Variants in DEPDC1B observed in about 807,000 individuals in gnomAD.
The protein encoded by DEPDC1B is DEP domain-containing protein 1B.
Under a neutral mutation model 66.5 loss-of-function variants are expected in DEPDC1B, and 51 were observed. That is an observed-to-expected ratio of 0.77 (90% CI 0.61 to 0.97). The LOEUF (loss-of-function observed/expected upper bound fraction) is 0.97, where lower values mean the gene tolerates loss of function less well. Ranked by LOEUF, DEPDC1B falls within the 50% of genes least tolerant of loss-of-function variation. DEPDC1B has a pLI of 0.00. For synonymous variants in DEPDC1B, 226 were observed against 223.6 expected, an observed-to-expected ratio of 1.01 and a Z score of -0.10; for missense variants, 552 against 637.1, an observed-to-expected ratio of 0.87 and a Z score of 1.44.
chr5:60,658,875 C>A (rs1176940580), intron 2 of DEPDC1B, among the ~76,000 whole-genome samples: 1 of 152,290 alleles, frequency 6.6e-6, no homozygotes, highest in African/African-American at 2.4e-5. Context: ...GCTCACCATC[C>A]ACCACTGCTG....
In DEPDC1B at chr5:60,599,204, ACGG is replaced by A; in HGVS notation, c.1296_1298del (p.Arg433del). ...ATTCAAATTCCTCTGGACTAATTTG[ACGG>A]CAAAATGATGGAGCAGATAAAGTGA... On this transcript the variant is annotated inframe_deletion, in exon 10 of 11. Transcript: ENST00000265036. 1 of 1,612,342 alleles carries A rather than the reference ACGG, an allele frequency of 6.2e-7. No homozygotes were observed. Among genetic ancestry groups the A allele is most frequent in the Non-Finnish European group, 8.5e-7 (1 of 1,179,454 alleles).
intron 1 of DEPDC1B, chr5:60,687,799 T>G: frequency 9.3e-6 from 2 of 214,130 alleles, no homozygotes; most frequent in South Asian, 5.1e-5. Flanking sequence ...GTGCTGGAAT[T>G]ACAGGAGTGA....
Position 60,645,629 on chromosome 5 carries a change from G to A in DEPDC1B, c.451-10C>T, listed in dbSNP as rs758425137. The A allele has an allele frequency of 6.9e-6, 11 of 1,601,358 alleles. No individual in the cohort carries two copies. The highest frequency in any genetic ancestry group is 9.4e-6 in the Non-Finnish European group (11 of 1,174,334). On this transcript the variant is annotated splice_polypyrimidine_tract_variant and intron_variant, in intron 3 of 10. Coordinates refer to ENST00000265036, the MANE Select transcript of DEPDC1B (RefSeq NM_018369.3). ...ACCACATCTCAGAATTCTAATGGAG[G>A]GGGGATGTAAGAAGGGAGGGAAGGA...
At chr5:60,697,590 T>A (rs1362825976) in intron 1 of DEPDC1B, among the ~76,000 whole-genome samples, 1 of 152,018 alleles carries the variant, frequency 6.6e-6, no homozygotes, top group Admixed American at 6.6e-5. Context: ...GACTTTACAA[T>A]GGAAAGAAGC....
At chr5:60,671,592 T>C (rs1396626592) in intron 2 of DEPDC1B, among the ~76,000 whole-genome samples, 1 of 152,200 alleles carries the variant, frequency 6.6e-6, no homozygotes, top group Non-Finnish European at 1.5e-5. Context: ...TACCCAATTC[T>C]TTCCCCTCTG....
At chr5:60,688,775 A>G (rs1754480731) in intron 1 of DEPDC1B, among the ~76,000 whole-genome samples, 1 of 152,164 alleles carries the variant, frequency 6.6e-6, no homozygotes, top group Admixed American at 6.5e-5. Flanking sequence ...ATGGCCCTAG[A>G]AGCTCAAAAA....
intron 7 of DEPDC1B, chr5:60,628,329 A>G (rs985959513): frequency 6.6e-6 from 1 of 152,198 alleles, no homozygotes; most frequent in Non-Finnish European, 1.5e-5. Context: ...ACTAACATGT[A>G]CAACGTCAAG....
At position 60,617,158 on chromosome 5, in the gene DEPDC1B, AT is replaced by A; in HGVS notation, c.899-11303del. ...GGAAGCACTAAACATGGAAAGGAAC[AT>A]ACGGTACCAGCCACTGCAAAATCAT... On this transcript the variant is annotated intron_variant, in intron 7 of 10. Transcript: ENST00000265036. Among the ~76,000 whole-genome samples the A allele has an allele frequency of 2.0e-5, 3 of 152,386 alleles. No individual in the cohort carries two copies. In the South Asian group the frequency reaches 6.2e-4, roughly 32 times the overall value.
chr5:60,655,549 TTTTG>T (rs1263400230), intron 2 of DEPDC1B, among the ~76,000 whole-genome samples: 1 of 149,270 alleles, frequency 6.7e-6, no homozygotes, highest in Non-Finnish European at 1.5e-5. Context: ...GGTCTATTGA[TTTTG>T]TTTATCTTTC....
At position 60,644,855 on chromosome 5, in the gene DEPDC1B, AG is replaced by A; in HGVS notation, c.598del (p.Leu200TrpfsTer4). 1 of 1,606,090 alleles carries A rather than the reference AG, an allele frequency of 6.2e-7. No individual in the cohort carries two copies. The highest frequency in any genetic ancestry group is 8.5e-7 in the Non-Finnish European group (1 of 1,176,104). ...GTCTAAAACTTCTTCTAAGGAATCC[AG>A]GCCAAGAATTTTCTGTAAGCTAAAA... ...TLSYLQKILG[L>X]DSLEEVLDVK... On this transcript the variant is annotated frameshift_variant, in exon 5 of 11. Transcript: ENST00000265036. LOFTEE classifies it high-confidence loss of function.
Position 60,686,375 on chromosome 5 carries a change from T to C in DEPDC1B, c.314+587A>G, listed in dbSNP as rs79021663. Among the ~76,000 whole-genome samples, 32 of 152,298 alleles carry C rather than the reference T, an allele frequency of 2.1e-4. No homozygotes were observed. The East Asian group carries it at 6.0e-3, about 28-fold the overall frequency. On this transcript the variant is annotated intron_variant, in intron 2 of 10. Coordinates refer to ENST00000265036, the MANE Select transcript of DEPDC1B (RefSeq NM_018369.3). ...AGCAATAAAACTGCCAAGTATGCAG[T>C]AAGAAGTGAAGTGCAAGACAAGCAG... is the stretch of plus-strand genomic sequence containing the variant.
chr5:60,689,007 A>G (rs1355324047), intron 1 of DEPDC1B: 1 of 456,132 alleles, frequency 2.2e-6, no homozygotes, highest in Non-Finnish European at 4.4e-6. Context: ...CTAATCTTCA[A>G]GTATAAGAAA....
At position 60,624,394 on chromosome 5, in the gene DEPDC1B, T is replaced by C. The variant is rs182772437; in HGVS notation, c.898+14356A>G. Reference sequence around the variant, plus strand: ...TTTTTATCTACTGCTGCATTCAATTTGCAAATTTAATGTATTTTTGCATTT... The same window carrying C: ...TTTTTATCTACTGCTGCATTCAATTCGCAAATTTAATGTATTTTTGCATTT... On this transcript the variant is annotated intron_variant, in intron 7 of 10. Coordinates refer to ENST00000265036, the MANE Select transcript of DEPDC1B (RefSeq NM_018369.3). 3.7e-4 allele frequency among the ~76,000 whole-genome samples: 56 copies of C among 152,356 alleles called. 1 individual carries two copies. Among genetic ancestry groups the C allele is most frequent in the African/African-American group, 1.3e-3 (54 of 41,592 alleles).
intron 7 of DEPDC1B, 72 bp downstream of exon 7, chr5:60,638,678 T>C: frequency 1.4e-6 from 2 of 1,471,046 alleles, no homozygotes; most frequent in Non-Finnish European, 1.8e-6. Context: ...CTAATGGAAG[T>C]CTCAAAATAG....
chr5:60,657,321 T>C (rs1038064717), intron 2 of DEPDC1B, among the ~76,000 whole-genome samples: 1 of 152,218 alleles, frequency 6.6e-6, no homozygotes, highest in Non-Finnish European at 1.5e-5. Flanking sequence ...TGAGGTACTA[T>C]TCTATTCATT....
intron 2 of DEPDC1B, among the ~76,000 whole-genome samples, chr5:60,650,325 C>T (rs902039131): frequency 2.0e-5 from 3 of 152,152 alleles, no homozygotes; most frequent in East Asian, 1.9e-4. Flanking sequence ...TAACATAATA[C>T]GGCAATACTG....
At chr5:60,642,894 A>G (rs1184036976) in intron 5 of DEPDC1B, 35 bp from the exon 6 acceptor site, 4 of 1,544,310 alleles carry the variant, frequency 2.6e-6, no homozygotes, top group Non-Finnish European at 2.7e-6. Flanking sequence ...TCAATTCCAT[A>G]TAACTCAAGA....
At chr5:60,657,781 T>G (rs1223258055) in intron 2 of DEPDC1B, among the ~76,000 whole-genome samples, 2 of 152,186 alleles carry the variant, frequency 1.3e-5, no homozygotes, top group African/African-American at 4.8e-5. Flanking sequence ...GTGATTACCT[T>G]TTTGCGATGA....
rs555778146 is a variant in DEPDC1B, at chr5:60,666,826, T to G, written c.315-19293A>C. On this transcript the variant is annotated intron_variant, in intron 2 of 10. Transcript: ENST00000265036. ...ACCCACATGGAGATAACCTAGAGAA[T>G]GAAACCTCATGTAGAAAGAGAGGTC... Among the ~76,000 whole-genome samples, 15 of 152,240 alleles carry G rather than the reference T, an allele frequency of 9.9e-5. No homozygotes were observed. The East Asian group carries it at 1.7e-3, about 18-fold the overall frequency.
Sources: gnomAD v4.1 joint callset for allele counts (sites outside exome capture counted in the v4.1 genomes callset) on GRCh38, gnomAD v4.1.1 for gene constraint, MANE v1.5 for transcripts, NCBI Gene and HGNC (gene_info 2026-07-23, HGNC 2026-07-21) for gene names.